The following AKAP6 variants were observed in gnomAD, a reference collection of about 807,000 sequenced individuals.
The protein encoded by AKAP6 is A-kinase anchor protein 6.
A neutral mutation model predicts 188.5 loss-of-function variants in AKAP6; 58 were observed. That is an observed-to-expected ratio of 0.31 (90% confidence interval 0.25 to 0.38). The LOEUF (loss-of-function observed/expected upper bound fraction) is 0.38, where lower values mean the gene tolerates loss of function less well. Ranked by LOEUF, AKAP6 falls within the 10% of genes least tolerant of loss-of-function variation. AKAP6 has a pLI of 1.00. For missense variants in AKAP6, 2,710 were observed against 2,740.0 expected (o/e 0.99, Z 0.24); for synonymous variants, 989 against 998.6 (o/e 0.99, Z 0.18).
At position 32,470,588 on chromosome 14, in the gene AKAP6, G is replaced by A. The variant is rs113944093; in HGVS notation, c.324+36771G>A. Reference sequence around the variant, plus strand: ...GAAAGTAATCAGGGAGCCATTTAAAGCAGCTGAGAGGAAAACTGCCAGCTC... The same window carrying A: ...GAAAGTAATCAGGGAGCCATTTAAAACAGCTGAGAGGAAAACTGCCAGCTC... On this transcript the variant is annotated intron_variant, in intron 2 of 13. Coordinates refer to ENST00000280979, the MANE Select transcript of AKAP6 (RefSeq NM_004274.5). Among the ~76,000 whole-genome samples, 327 of 152,304 alleles carry A rather than the reference G, an allele frequency of 2.1e-3. 2 individuals are homozygous for A. Among genetic ancestry groups the A allele is most frequent in the African/African-American group, 7.4e-3 (306 of 41,566 alleles).
In AKAP6 at chr14:32,671,865, G is replaced by A. The variant is rs373927376; in HGVS notation, c.2731-6446G>A. On this transcript the variant is annotated intron_variant, in intron 7 of 13. Transcript: ENST00000280979. ...TTAACCCAACAAAGAATTCTGGGAC[G>A]TGAAGTGATAAATCAGTCAAATTAG... Among the ~76,000 whole-genome samples the A allele has an allele frequency of 1.8e-3, 269 of 152,252 alleles. 2 individuals are homozygous for A. The highest frequency in any genetic ancestry group is 6.0e-3 in the South Asian group (29 of 4,824).
chr14:32,352,517 A>G (rs752035998), intron 1 of AKAP6, among the ~76,000 whole-genome samples: 4 of 151,976 alleles, frequency 2.6e-5, no homozygotes, highest in Non-Finnish European at 5.9e-5. Context: ...CTTTTATGTA[A>G]CTGTGATTTT....
rs549458923 is a variant in AKAP6 at position 32,347,437 on chromosome 14, C to T, written c.-35+18029C>T. Among the ~76,000 whole-genome samples the T allele has an allele frequency of 3.3e-5, 5 of 152,324 alleles. No homozygotes were observed. In the South Asian group the frequency reaches 1.0e-3, roughly 32 times the overall value. ...GATGTATTGTTGCCTGACACACACA[C>T]CCACTTTCGGACTGTACATTTCAGG... On this transcript the variant is annotated intron_variant, in intron 1 of 13. Coordinates refer to ENST00000280979, the MANE Select transcript of AKAP6 (RefSeq NM_004274.5).
intron 8 of AKAP6, among the ~76,000 whole-genome samples, chr14:32,690,285 T>C (rs1238350851): frequency 6.6e-6 from 1 of 152,100 alleles, no homozygotes; most frequent in African/African-American, 2.4e-5. Flanking sequence ...CACACACACC[T>C]CCCATTGATT....
chr14:32,686,778 A>G (rs896659005), intron 8 of AKAP6, among the ~76,000 whole-genome samples: 22 of 152,088 alleles, frequency 1.4e-4, no homozygotes, highest in African/African-American at 5.1e-4. Flanking sequence ...GCTTCCTGGA[A>G]TTAGAAGGAT....
At chr14:32,818,096 G>C (rs2034433237) in intron 12 of AKAP6, among the ~76,000 whole-genome samples, 1 of 152,136 alleles carries the variant, frequency 6.6e-6, no homozygotes, top group African/African-American at 2.4e-5. Context: ...AGGGCAGAGT[G>C]AGTAGCACTT....
At chr14:32,519,163 C>T (rs964343221) in intron 2 of AKAP6, among the ~76,000 whole-genome samples, 2 of 152,154 alleles carry the variant, frequency 1.3e-5, no homozygotes, top group Non-Finnish European at 2.9e-5. Context: ...TTGTCACCAC[C>T]AGGCCTGCCT....
chr14:32,695,583 A>G (rs1474591166), intron 8 of AKAP6, among the ~76,000 whole-genome samples: 1 of 152,162 alleles, frequency 6.6e-6, no homozygotes, highest in Non-Finnish European at 1.5e-5. Flanking sequence ...TCCAATTTTG[A>G]GAGTGCTGTT....
At chr14:32,651,444 A>T (rs1318143837) in intron 7 of AKAP6, among the ~76,000 whole-genome samples, 1 of 152,200 alleles carries the variant, frequency 6.6e-6, no homozygotes, top group Non-Finnish European at 1.5e-5. Flanking sequence ...CTATAATAAT[A>T]TACCTGAGAC....
intron 9 of AKAP6, among the ~76,000 whole-genome samples, chr14:32,720,858 A>G (rs1162214451): frequency 6.6e-6 from 1 of 152,134 alleles, no homozygotes; most frequent in Non-Finnish European, 1.5e-5. Context: ...ACCTGTCTCA[A>G]AAAAAACTTT....
intron 1 of AKAP6, among the ~76,000 whole-genome samples, chr14:32,385,708 T>C (rs1418381997): frequency 2.0e-5 from 3 of 151,646 alleles, no homozygotes; most frequent in Non-Finnish European, 4.4e-5. Flanking sequence ...TAGCCTCCAA[T>C]CTCATCCAGG....
intron 2 of AKAP6, among the ~76,000 whole-genome samples, chr14:32,458,651 G>GAAATAAATGCCCACA (rs1270265311): frequency 1.3e-5 from 2 of 152,056 alleles, no homozygotes; most frequent in East Asian, 3.9e-4. Flanking sequence ...AAGCATGCCA[G>GAAATAAATGCCCACA]AAATAAATGC....
intron 2 of AKAP6, among the ~76,000 whole-genome samples, chr14:32,491,951 G>T (rs1880038656): frequency 6.6e-6 from 1 of 152,148 alleles, no homozygotes; most frequent in Non-Finnish European, 1.5e-5. Context: ...AGTCCCTCAA[G>T]ATTAAGATAC....
At chr14:32,787,695 C>T (rs545288136) in intron 12 of AKAP6, among the ~76,000 whole-genome samples, 95 of 152,050 alleles carry the variant, frequency 6.2e-4, no homozygotes, top group Middle Eastern at 3.4e-3. Flanking sequence ...CAAGAGAGAT[C>T]GCTGTTAAAA....
chr14:32,385,536 T>G (rs1888505286), intron 1 of AKAP6, among the ~76,000 whole-genome samples: 1 of 151,872 alleles, frequency 6.6e-6, no homozygotes, highest in African/African-American at 2.4e-5. Context: ...GCACCCTATT[T>G]GTAGTCTTTT....
At chr14:32,543,427 T>G (rs1403320257) in intron 3 of AKAP6, among the ~76,000 whole-genome samples, 3 of 152,226 alleles carry the variant, frequency 2.0e-5, no homozygotes, top group Non-Finnish European at 2.9e-5. Context: ...ATGCCACATT[T>G]TCTTTATCCA....
intron 12 of AKAP6, among the ~76,000 whole-genome samples, chr14:32,783,421 T>G (rs2033310311): frequency 6.6e-6 from 1 of 152,218 alleles, no homozygotes; most frequent in Admixed American, 6.5e-5. Flanking sequence ...ATGCATATTC[T>G]TATATCAAAG....
intron 7 of AKAP6, among the ~76,000 whole-genome samples, chr14:32,646,441 G>A (rs757994367): frequency 6.6e-5 from 10 of 151,942 alleles, no homozygotes; most frequent in East Asian, 3.9e-4. Context: ...AATTATTTTC[G>A]TTAGAAATCT....
chr14:32,684,296 T>C (rs1301387874), intron 8 of AKAP6, among the ~76,000 whole-genome samples: 1 of 152,214 alleles, frequency 6.6e-6, no homozygotes. Context: ...AAGGAATGCT[T>C]ATTTTAAAAC....
Sources: allele counts gnomAD v4.1 joint callset (sites outside exome capture counted in the v4.1 genomes callset), GRCh38; gene constraint gnomAD v4.1.1; transcripts MANE v1.5; gene names NCBI Gene and HGNC (gene_info 2026-07-23, HGNC 2026-07-21).